Variants in ARHGAP18 observed in about 807,000 individuals in gnomAD.
ARHGAP18 encodes the protein rho GTPase-activating protein 18.
ARHGAP18 carries 67 observed loss-of-function variants against 86.2 expected under a neutral mutation model. The ratio of observed to expected loss-of-function variants is 0.78; its 90% CI spans 0.64 to 0.95. The LOEUF (loss-of-function observed/expected upper bound fraction) is 0.95, where lower values mean the gene tolerates loss of function less well. ARHGAP18 is among the 40% of genes least tolerant of loss of function. The probability of loss-of-function intolerance (pLI) is 0.00; values close to 1 mark genes in which losing one functional copy is unlikely to be tolerated. For synonymous variants in ARHGAP18, 283 were observed against 280.4 expected (o/e 1.01, Z -0.09); for missense variants, 691 against 780.4 (o/e 0.89, Z 1.37).
intron 1 of ARHGAP18, among the ~76,000 whole-genome samples, chr6:129,693,619 C>T (rs962343394): frequency 6.6e-6 from 1 of 152,102 alleles, no homozygotes; most frequent in Non-Finnish European, 1.5e-5. Context: ...TGAACTGAGG[C>T]CCCACTGCCA....
chr6:129,592,065 A>G (rs900423957), intron 12 of ARHGAP18, among the ~76,000 whole-genome samples: 2 of 152,210 alleles, frequency 1.3e-5, no homozygotes, highest in Non-Finnish European at 2.9e-5. Context: ...TCCATAGTTA[A>G]TAAGAATTTA....
chr6:129,580,716 T>C (rs1788270602), intron 13 of ARHGAP18, among the ~76,000 whole-genome samples: 2 of 152,022 alleles, frequency 1.3e-5, no homozygotes, highest in Non-Finnish European at 2.9e-5. Flanking sequence ...CTACCCAAAA[T>C]ACAAAAAATT....
At chr6:129,613,358 C>T (rs529133620) in intron 7 of ARHGAP18, among the ~76,000 whole-genome samples, 36 of 152,038 alleles carry the variant, frequency 2.4e-4, no homozygotes, top group African/African-American at 7.2e-4. Context: ...ATCAGATGGG[C>T]GTTATTCAAA....
intron 1 of ARHGAP18, among the ~76,000 whole-genome samples, chr6:129,688,866 T>C (rs1372918920): frequency 6.6e-6 from 1 of 152,136 alleles, no homozygotes. Context: ...CTGCTACCAG[T>C]GACAATGATT....
chr6:129,653,547 C>T (rs1286951300), intron 1 of ARHGAP18, among the ~76,000 whole-genome samples: 2 of 152,142 alleles, frequency 1.3e-5, no homozygotes, highest in African/African-American at 4.8e-5. Context: ...ATAATTTAGC[C>T]AAGCTTAGAA....
chr6:129,648,082 T>C (rs1184876245), intron 1 of ARHGAP18, among the ~76,000 whole-genome samples: 1 of 152,188 alleles, frequency 6.6e-6, no homozygotes, highest in African/African-American at 2.4e-5. Flanking sequence ...CCATTACATT[T>C]ATCAAGAAAA....
intron 1 of ARHGAP18, among the ~76,000 whole-genome samples, chr6:129,698,749 C>A (rs1421167884): frequency 6.9e-6 from 1 of 144,386 alleles, no homozygotes; most frequent in Non-Finnish European, 1.5e-5. Flanking sequence ...AGCTGGAGTG[C>A]AATGGCAATC....
At chr6:129,671,993 C>T (rs372598732) in intron 1 of ARHGAP18, among the ~76,000 whole-genome samples, 10 of 152,094 alleles carry the variant, frequency 6.6e-5, no homozygotes, top group East Asian at 3.9e-4. Context: ...CACAGAAGTT[C>T]GGAGAGGTTA....
chr6:129,651,588 G>C (rs1350145058), intron 1 of ARHGAP18, among the ~76,000 whole-genome samples: 1 of 152,096 alleles, frequency 6.6e-6, no homozygotes, highest in African/African-American at 2.4e-5. Flanking sequence ...CACTGAACTA[G>C]TGGCCCAGAC....
intron 1 of ARHGAP18, among the ~76,000 whole-genome samples, chr6:129,666,441 G>A (rs904673558): frequency 2.6e-5 from 4 of 152,234 alleles, no homozygotes; most frequent in Non-Finnish European, 5.9e-5. Flanking sequence ...TCAAGTCACT[G>A]AGTTGGCCCT....
chr6:129,623,438 T>G (rs553602132), intron 5 of ARHGAP18, among the ~76,000 whole-genome samples: 7 of 152,328 alleles, frequency 4.6e-5, no homozygotes, highest in Non-Finnish European at 7.4e-5. Flanking sequence ...TTATAAAACC[T>G]GATCTCCAAA....
At chr6:129,662,026 C>G in intron 1 of ARHGAP18, 1 of 570,738 alleles carries the variant, frequency 1.8e-6, no homozygotes, top group Non-Finnish European at 2.2e-6. Context: ...GGGCCCCTCC[C>G]AAGATCCACG....
At chr6:129,613,198 A>C (rs1239074871) in intron 7 of ARHGAP18, among the ~76,000 whole-genome samples, 1 of 147,396 alleles carries the variant, frequency 6.8e-6, no homozygotes, top group Non-Finnish European at 1.5e-5. Flanking sequence ...GCAACAGTGC[A>C]CTCCAGCCTG....
intron 1 of ARHGAP18, among the ~76,000 whole-genome samples, chr6:129,656,938 T>C (rs4499953): frequency 0.18 from 28,055 of 152,222 alleles, 2,871 homozygotes; most frequent in Non-Finnish European, 0.22. Context: ...TTTACTTTTT[T>C]CCCCTGTATT....
At chr6:129,596,682 C>T (rs951340705) in intron 12 of ARHGAP18, 9 of 152,144 alleles carry the variant, frequency 5.9e-5, no homozygotes, top group African/African-American at 1.9e-4. Context: ...AAAGCTACCC[C>T]CAGGCAATTT....
In ARHGAP18 at chr6:129,577,509, G is replaced by A. The variant is rs531706123; in HGVS notation, c.*1004C>T. On this transcript the variant is annotated 3_prime_UTR_variant, in exon 15 of 15. Transcript: ENST00000368149. Reference sequence around the variant, plus strand: ...AAGAACATTTTAATAAATTGACTCCGATTATTTAAAATAAGAACACAAACA... The same window carrying A: ...AAGAACATTTTAATAAATTGACTCCAATTATTTAAAATAAGAACACAAACA... 6.6e-6 allele frequency: 1 copy of A among 151,670 alleles called. No individual in the cohort carries two copies. Among genetic ancestry groups the A allele is most frequent in the African/African-American group, 2.4e-5 (1 of 41,296 alleles). The allele number at this position is 151,670 out of a possible 1,614,324, so 9.4% of individuals were successfully genotyped here. A position where few individuals can be genotyped will look rare whatever the true frequency, so the allele number is the denominator to read the frequency against.
intron 7 of ARHGAP18, among the ~76,000 whole-genome samples, chr6:129,615,463 T>C (rs546918054): frequency 2.4e-4 from 36 of 152,306 alleles, no homozygotes; most frequent in African/African-American, 7.9e-4. Flanking sequence ...AAGTGCCAAG[T>C]AGATTGAGCC....
intron 1 of ARHGAP18, among the ~76,000 whole-genome samples, chr6:129,709,771 C>G (rs1774872164): frequency 1.3e-5 from 2 of 152,254 alleles, no homozygotes; most frequent in Non-Finnish European, 2.9e-5. Flanking sequence ...AATAGCTAGT[C>G]TGACAGCCCA....
intron 1 of ARHGAP18, among the ~76,000 whole-genome samples, chr6:129,662,723 T>C (rs1773976930): frequency 1.3e-5 from 2 of 152,224 alleles, no homozygotes; most frequent in Non-Finnish European, 1.5e-5. Context: ...TTCACTGCTC[T>C]CTATGCCTTA....
Sources: allele counts gnomAD v4.1 joint callset (sites outside exome capture counted in the v4.1 genomes callset), GRCh38; gene constraint gnomAD v4.1.1; transcripts MANE v1.5; gene names NCBI Gene and HGNC (gene_info 2026-07-23, HGNC 2026-07-21).